The following DLGAP1 variants were observed in gnomAD, a reference collection of about 807,000 sequenced individuals.
DLGAP1 encodes the protein DLG associated protein 1.
DLGAP1 carries 11 observed loss-of-function variants against 90.8 expected under a neutral mutation model. The observed-to-expected ratio is 0.12, with a 90% CI of 0.08 to 0.20. The LOEUF (loss-of-function observed/expected upper bound fraction) is 0.20, where lower values mean the gene tolerates loss of function less well. Ranked by LOEUF, DLGAP1 falls within the 10% of genes least tolerant of loss-of-function variation. DLGAP1 has a pLI of 1.00. For missense variants in DLGAP1, 1,050 were observed against 1,333.8 expected, an observed-to-expected ratio of 0.79 and a Z score of 3.31; for synonymous variants, 558 against 540.7, an observed-to-expected ratio of 1.03 and a Z score of -0.44.
intron 4 of DLGAP1, chr18:3,821,905 ATCTT>A: frequency 1.0e-6 from 1 of 985,212 alleles, no homozygotes; most frequent in African/African-American, 1.7e-5. Context: ...ATTTCTTTGC[ATCTT>A]CTTTGCAGCT....
At chr18:4,045,430 T>TCCA (rs2075035476) in intron 2 of DLGAP1, among the ~76,000 whole-genome samples, 1 of 16,594 alleles carries the variant, frequency 6.0e-5, no homozygotes, top group Non-Finnish European at 1.0e-4. Flanking sequence ...ACCCCATCTC[T>TCCA]ACAAAAAAAA....
At chr18:4,385,486 T>G (rs2082211855) in intron 1 of DLGAP1, among the ~76,000 whole-genome samples, 1 of 152,140 alleles carries the variant, frequency 6.6e-6, no homozygotes, top group Non-Finnish European at 1.5e-5. Flanking sequence ...TTCCCAAACC[T>G]TAGCAGAAAA....
intron 1 of DLGAP1, among the ~76,000 whole-genome samples, chr18:4,419,949 A>C (rs751887183): frequency 6.6e-6 from 1 of 152,204 alleles, no homozygotes; most frequent in African/African-American, 2.4e-5. Flanking sequence ...CACTTTACAT[A>C]TGTACAGACA....
intron 3 of DLGAP1, among the ~76,000 whole-genome samples, chr18:3,927,661 A>G (rs2072422384): frequency 6.6e-6 from 1 of 152,212 alleles, no homozygotes; most frequent in African/African-American, 2.4e-5. Context: ...CTGCTAGTAG[A>G]GTAAAGAAGT....
At chr18:4,343,954 C>T (rs957431817) in intron 1 of DLGAP1, among the ~76,000 whole-genome samples, 3 of 152,050 alleles carry the variant, frequency 2.0e-5, no homozygotes, top group African/African-American at 4.8e-5. Context: ...GAGATTTGTG[C>T]TTAAGCTAAA....
chr18:3,523,586 G>GC (rs2051363383), intron 10 of DLGAP1, among the ~76,000 whole-genome samples: 2 of 152,028 alleles, frequency 1.3e-5, no homozygotes, highest in South Asian at 4.1e-4. Context: ...GGTGGCTCAC[G>GC]CCTGTAATCC....
intron 3 of DLGAP1, among the ~76,000 whole-genome samples, chr18:3,988,692 C>T (rs569568378): frequency 4.6e-5 from 7 of 152,208 alleles, no homozygotes; most frequent in African/African-American, 1.2e-4. Context: ...CGATGCAGCC[C>T]GGTTCCTAAC....
chr18:3,925,624 T>C (rs139226714), intron 3 of DLGAP1, among the ~76,000 whole-genome samples: 6 of 152,288 alleles, frequency 3.9e-5, no homozygotes, highest in Non-Finnish European at 8.8e-5. Context: ...TCAATAGAGC[T>C]AATATGTTTA....
intron 1 of DLGAP1, among the ~76,000 whole-genome samples, chr18:4,354,501 A>G (rs563220979): frequency 1.3e-5 from 2 of 152,268 alleles, no homozygotes; most frequent in South Asian, 2.1e-4. Flanking sequence ...ATTGAACCTA[A>G]GCATAAAAAC....
At chr18:3,738,416 C>T (rs1429637578) in intron 6 of DLGAP1, among the ~76,000 whole-genome samples, 1 of 147,378 alleles carries the variant, frequency 6.8e-6, no homozygotes, top group Non-Finnish European at 1.5e-5. Flanking sequence ...GGTACTGGTA[C>T]CAAAACAGAG....
intron 3 of DLGAP1, chr18:3,892,030 A>C (rs2071475202): frequency 1.3e-5 from 2 of 151,628 alleles, no homozygotes; most frequent in South Asian, 4.2e-4. Context: ...TGCATGAGCC[A>C]CCGTATCCAG....
chr18:3,657,034 C>T (rs1221083720), intron 7 of DLGAP1, among the ~76,000 whole-genome samples: 1 of 152,160 alleles, frequency 6.6e-6, no homozygotes, highest in South Asian at 2.1e-4. Flanking sequence ...GCGTGAGCCA[C>T]CACATTTGGC....
intron 1 of DLGAP1, among the ~76,000 whole-genome samples, chr18:4,420,050 T>C (rs1275550062): frequency 6.6e-6 from 1 of 152,154 alleles, no homozygotes; most frequent in African/African-American, 2.4e-5. Flanking sequence ...GTAGCTATGC[T>C]AATAGGTAAA....
chr18:3,916,856 T>A (rs1279735388), intron 3 of DLGAP1, among the ~76,000 whole-genome samples: 2 of 152,172 alleles, frequency 1.3e-5, no homozygotes, highest in Non-Finnish European at 2.9e-5. Flanking sequence ...AGAGAATGCA[T>A]CAGGATGTTC....
intron 1 of DLGAP1, among the ~76,000 whole-genome samples, chr18:4,329,228 A>T (rs190284897): frequency 6.6e-6 from 1 of 152,100 alleles, no homozygotes; most frequent in African/African-American, 2.4e-5. Flanking sequence ...TTCCACAAGG[A>T]TTTCCAATTG....
intron 7 of DLGAP1, among the ~76,000 whole-genome samples, chr18:3,624,568 T>C (rs1324068209): frequency 6.6e-6 from 1 of 152,182 alleles, no homozygotes; most frequent in Non-Finnish European, 1.5e-5. Context: ...AGTAGTTTTG[T>C]AGCAAACTTA....
chr18:4,232,885 C>A (rs554590163), intron 1 of DLGAP1, among the ~76,000 whole-genome samples: 1 of 152,260 alleles, frequency 6.6e-6, no homozygotes, highest in South Asian at 2.1e-4. Context: ...ACCCTCACTT[C>A]TGCAGAAATC....
At chr18:3,707,116 C>T (rs906643919) in intron 7 of DLGAP1, among the ~76,000 whole-genome samples, 3 of 152,050 alleles carry the variant, frequency 2.0e-5, no homozygotes, top group African/African-American at 7.2e-5. Flanking sequence ...TATTTGTTTG[C>T]TTATCTCTTA....
chr18:3,973,979 C>T (rs55639092), intron 3 of DLGAP1, among the ~76,000 whole-genome samples: 58,410 of 152,074 alleles, frequency 0.38, 11,488 homozygotes, highest in Non-Finnish European at 0.42. Context: ...CTGCACAGCA[C>T]GTGACTGTCC....
Sources: allele counts gnomAD v4.1 joint callset (sites outside exome capture counted in the v4.1 genomes callset), GRCh38; gene constraint gnomAD v4.1.1; transcripts MANE v1.5; gene names NCBI Gene and HGNC (gene_info 2026-07-23, HGNC 2026-07-21).